Variants in TRIM14 observed in about 807,000 individuals in gnomAD.
The protein encoded by TRIM14 is tripartite motif containing 14, also known as tripartite motif-containing protein 14.
A neutral mutation model predicts 44.5 loss-of-function variants in TRIM14; 28 were observed. The observed-to-expected ratio is 0.63, with a 90% CI of 0.47 to 0.86. The LOEUF (loss-of-function observed/expected upper bound fraction) is 0.86, where lower values mean the gene tolerates loss of function less well. Among genes scored for constraint, TRIM14 ranks in the 40% least tolerant of loss-of-function variants. TRIM14 has a pLI of 0.00. For missense variants in TRIM14, 607 were observed against 611.1 expected (o/e 0.99, Z 0.07); for synonymous variants, 299 against 269.2 (o/e 1.11, Z -1.08).
the TRIM14 span, among the ~76,000 whole-genome samples, chr9:98,045,197 C>G: frequency 6.6e-6 from 1 of 152,136 alleles, no homozygotes; most frequent in African/African-American, 2.4e-5. Flanking sequence ...AAAACAACAG[C>G]CAAGACTACT....
chr9:98,100,418 A>G (rs1587959943), intron 2 of TRIM14, among the ~76,000 whole-genome samples: 1 of 152,160 alleles, frequency 6.6e-6, no homozygotes, highest in Non-Finnish European at 1.5e-5. Context: ...CCTAATACAA[A>G]ACCATATTCG....
chr9:98,048,202 C>A, the TRIM14 span, among the ~76,000 whole-genome samples: 1 of 152,068 alleles, frequency 6.6e-6, no homozygotes, highest in African/African-American at 2.4e-5. Context: ...ATGGTAAAAT[C>A]ATTGCACTGT....
At chr9:98,040,519 C>G in the TRIM14 span, among the ~76,000 whole-genome samples, 1 of 151,974 alleles carries the variant, frequency 6.6e-6, no homozygotes, top group Non-Finnish European at 1.5e-5. Context: ...CCGGCATGCG[C>G]TCTCCTGCAG....
chr9:98,093,889 G>A (rs1826087578), intron 4 of TRIM14, among the ~76,000 whole-genome samples: 1 of 152,100 alleles, frequency 6.6e-6, no homozygotes, highest in African/African-American at 2.4e-5. Flanking sequence ...GGGATTACAG[G>A]TGCATGCCAC....
At position 98,118,942 on chromosome 9, in the gene TRIM14, C is replaced by T. The variant is rs759246356; in HGVS notation, c.207+40G>A. On this transcript the variant is annotated intron_variant, in intron 1 of 5. Coordinates refer to ENST00000341469, the MANE Select transcript of TRIM14 (RefSeq NM_014788.4). ...GGCCGTTATGCCTGGGCTGGCTCCCCCAACTCCCGCGCGGCGAACCCCGTC... is the reference window on the plus strand; with the variant it reads ...GGCCGTTATGCCTGGGCTGGCTCCCTCAACTCCCGCGCGGCGAACCCCGTC... 13 of 1,463,554 alleles carry T rather than the reference C, an allele frequency of 8.9e-6. No individual in the cohort carries two copies. In the African/African-American group the frequency reaches 1.8e-4, roughly 20 times the overall value. 90.7% of individuals were successfully genotyped at this position (1,463,554 alleles called of 1,614,324 possible).
intron 3 of TRIM14, among the ~76,000 whole-genome samples, chr9:98,097,999 A>T (rs1460109755): frequency 6.6e-6 from 1 of 152,242 alleles, no homozygotes; most frequent in Non-Finnish European, 1.5e-5. Context: ...CTGAGGCCAC[A>T]TAAAGACACA....
At chr9:98,117,366 C>T (rs528680381) in intron 1 of TRIM14, among the ~76,000 whole-genome samples, 16 of 152,124 alleles carry the variant, frequency 1.1e-4, no homozygotes, top group African/African-American at 3.4e-4. Context: ...GGCGTGATCT[C>T]GGCTCATTGC....
At position 98,095,463 on chromosome 9, in the gene TRIM14, C is replaced by A. The variant is rs1429828841; in HGVS notation, c.538-434G>T. Among the ~76,000 whole-genome samples the A allele has an allele frequency of 6.6e-6, 1 of 152,158 alleles. No homozygotes were observed. Among genetic ancestry groups the A allele is most frequent in the Non-Finnish European group, 1.5e-5 (1 of 68,020 alleles). On this transcript the variant is annotated intron_variant, in intron 3 of 5. Coordinates refer to ENST00000341469, the MANE Select transcript of TRIM14 (RefSeq NM_014788.4). The surrounding 1 kb of genome is among the most constrained non-coding windows in gnomAD (Gnocchi z 4.1). ...GGTCAGTCTCCCTGGGGAAGGAGCA[C>A]CTGGAGCTTATTCAAAGGTGGAGCA...
the TRIM14 span, chr9:98,061,090 C>G: frequency 8.4e-7 from 1 of 1,188,108 alleles, no homozygotes; most frequent in South Asian, 1.3e-5. Flanking sequence ...ACCTCCAGCC[C>G]TTGCTCATCC....
At position 98,106,829 on chromosome 9, in the gene TRIM14, T is replaced by TC. The variant is rs1564186563; in HGVS notation, c.303+3059_303+3060insG. 1.2e-4 allele frequency among the ~76,000 whole-genome samples: 18 copies of TC among 149,276 alleles called. No individual in the cohort carries two copies. The East Asian group carries it at 3.3e-3, about 27-fold the overall frequency. ...ACTCTTTTTCTTTTCTTTCTTCTTT[T>TC]TTTTTTTTTTTTTTGAGACATGGTC... is the stretch of plus-strand genomic sequence containing the variant. On this transcript the variant is annotated intron_variant, in intron 2 of 5. Transcript: ENST00000341469.
intron 5 of TRIM14, among the ~76,000 whole-genome samples, chr9:98,088,719 C>A (rs1455352579): frequency 6.6e-6 from 1 of 152,184 alleles, no homozygotes; most frequent in Non-Finnish European, 1.5e-5. Flanking sequence ...TTTGAAACCA[C>A]TAATACAATT....
At chr9:98,093,512 C>A (rs934726712) in intron 4 of TRIM14, among the ~76,000 whole-genome samples, 4 of 152,126 alleles carry the variant, frequency 2.6e-5, no homozygotes, top group Non-Finnish European at 4.4e-5. Flanking sequence ...CAGGGTTCAG[C>A]AGGGTTCCAA....
At chr9:98,103,836 CAAA>C (rs60368742) in intron 2 of TRIM14, among the ~76,000 whole-genome samples, 2 of 74,574 alleles carry the variant, frequency 2.7e-5, no homozygotes, top group Non-Finnish European at 2.6e-5. Flanking sequence ...GACTCCGTCT[CAAA>C]AAAAAAAAAA....
chr9:98,078,363 G>A, intron 6 of TRIM14: 1 of 1,610,824 alleles, frequency 6.2e-7, no homozygotes, highest in Non-Finnish European at 8.5e-7. Context: ...CAGGAGGGAG[G>A]GGGTTCCCTT....
chr9:98,067,120 T>G (rs1829171246), downstream of TRIM14, among the ~76,000 whole-genome samples: 1 of 152,244 alleles, frequency 6.6e-6, no homozygotes, highest in Non-Finnish European at 1.5e-5. Context: ...ATAATTCAAT[T>G]TTATGGCTAT....
At chr9:98,063,324 C>T in the TRIM14 span, among the ~76,000 whole-genome samples, 1 of 152,156 alleles carries the variant, frequency 6.6e-6, no homozygotes, top group African/African-American at 2.4e-5. Flanking sequence ...TCACTGCAAC[C>T]TCTGCCTCCC....
At chr9:98,063,797 C>T in the TRIM14 span, among the ~76,000 whole-genome samples, 1 of 152,162 alleles carries the variant, frequency 6.6e-6, no homozygotes, top group Non-Finnish European at 1.5e-5. Flanking sequence ...CCCATCTAGG[C>T]CTCCCAAAGT....
In TRIM14 at chr9:98,100,070, A is replaced by G; in HGVS notation, c.398T>C (p.Ile133Thr). 6.2e-7 allele frequency: 1 copy of G among 1,614,170 alleles called. No homozygotes were observed. Among genetic ancestry groups the G allele is most frequent in the Non-Finnish European group, 8.5e-7 (1 of 1,180,040 alleles). Residue 133 changes from isoleucine to threonine, a missense_variant, in exon 3 of 6, where the codon ATT becomes ACT. Physicochemically the swap from Ile to Thr is moderately conservative, Grantham distance 89. Around this residue, in one of 3 missense-constraint regions of TRIM14, gnomAD observed 246 missense variants for 270.8 expected, o/e 0.91. Coordinates refer to ENST00000341469, the MANE Select transcript of TRIM14 (RefSeq NM_014788.4). ...DEEEALAKKF[I>T]DKNTQLTLQV... ...GAGGGTAAGCTGCGTGTTTTTATCA[A>G]TGAATTTCTTGGCCAGCGCTTCCTC...
chr9:98,036,853 A>G, the TRIM14 span, among the ~76,000 whole-genome samples: 2 of 152,176 alleles, frequency 1.3e-5, no homozygotes, highest in African/African-American at 4.8e-5. Context: ...CTGGGGATAG[A>G]GTAGGAGAGA....
Sources: gnomAD v4.1 joint callset for allele counts (sites outside exome capture counted in the v4.1 genomes callset) on GRCh38, gnomAD v4.1.1 for gene constraint, gnomAD v4.1.1 regional missense constraint, Gnocchi (gnomAD v3.1) non-coding constraint, MANE v1.5 for transcripts, NCBI Gene and HGNC (gene_info 2026-07-23, HGNC 2026-07-21) for gene names.